TUB: variants seen among roughly 807,000 people sequenced by gnomAD.
The protein encoded by TUB is tubby protein homolog.
TUB carries 33 observed loss-of-function variants against 59.7 expected under a neutral mutation model. That is an observed-to-expected ratio of 0.55 (90% confidence interval 0.42 to 0.74). The LOEUF (loss-of-function observed/expected upper bound fraction) is 0.74. Among genes scored for constraint, TUB ranks in the 30% least tolerant of loss-of-function variants. The pLI is 0.00. For missense variants in TUB, 659 were observed against 672.0 expected (o/e 0.98, Z 0.21); for synonymous variants, 293 against 256.4 (o/e 1.14, Z -1.36).
In TUB at chr11:8,081,317, C is replaced by A; in HGVS notation, c.-194C>A. 6.2e-6 allele frequency: 6 copies of A among 963,282 alleles called. No homozygotes were observed. Among genetic ancestry groups the A allele is most frequent in the Non-Finnish European group, 7.4e-6 (6 of 810,122 alleles). The allele number at this position is 963,282 out of a possible 1,614,324, so 59.7% of individuals were successfully genotyped here. A position where few individuals can be genotyped will look rare whatever the true frequency, so the allele number is the denominator to read the frequency against. On this transcript the variant is annotated 5_prime_UTR_variant, in exon 1 of 12. Transcript: ENST00000299506. The stretch of plus-strand genomic sequence containing the variant: ...CCGGAGCTTCGCCCATCTCGCCTCG[C>A]CGCGCCGCGCAGGCAGCCGCTCGCA...
Position 8,045,003 on chromosome 11 carries a change from A to G in TUB, c.203+5311A>G, listed in dbSNP as rs181102391. Among the ~76,000 whole-genome samples the G allele has an allele frequency of 3.3e-5, 5 of 152,274 alleles. No individual in the cohort carries two copies. The East Asian group carries it at 9.6e-4, about 29-fold the overall frequency. ...TGCCAGGAACTCTCCAAACTCTGTC[A>G]TTTAGGGTTTTATGGAGGTCCTGTT... On this transcript the variant is annotated intron_variant, in intron 2 of 12. Transcript: ENST00000305253.
intron 1 of TUB, among the ~76,000 whole-genome samples, chr11:8,023,158 CATG>C (rs1273584406): frequency 2.0e-5 from 3 of 152,288 alleles, no homozygotes; most frequent in Non-Finnish European, 2.9e-5. Context: ...GGTTGGCACA[CATG>C]GTGGTGGAAG....
intron 2 of TUB, among the ~76,000 whole-genome samples, chr11:8,056,548 G>C (rs1423127861): frequency 2.0e-5 from 3 of 152,172 alleles, no homozygotes; most frequent in Admixed American, 6.5e-5. Context: ...TGCCTGGGGG[G>C]AGGGAAAAGG....
Position 8,096,926 on chromosome 11 carries a change from G to A in TUB, c.687+120G>A, listed in dbSNP as rs988298357. 43 of 1,137,828 alleles carry A rather than the reference G, an allele frequency of 3.8e-5. No individual in the cohort carries two copies. In the East Asian group the frequency reaches 6.1e-4, roughly 16 times the overall value. 70.5% of individuals were successfully genotyped at this position (1,137,828 alleles called of 1,614,324 possible). A position where few individuals can be genotyped will look rare whatever the true frequency, so the allele number is the denominator to read the frequency against. Reference sequence around the variant, plus strand: ...AGGAGCTTCTCTGCTGGCCTCTTATGTCCCTCTACCTTGCCTCCTAACCTC... The same window carrying A: ...AGGAGCTTCTCTGCTGGCCTCTTATATCCCTCTACCTTGCCTCCTAACCTC... On this transcript the variant is annotated intron_variant, in intron 6 of 11. Transcript: ENST00000299506.
At chr11:8,038,127 A>G (rs1942678365), upstream of TUB, among the ~76,000 whole-genome samples, 1 of 152,172 alleles carries the variant, frequency 6.6e-6, no homozygotes, top group Admixed American at 6.5e-5. Flanking sequence ...GAATGTATAG[A>G]GTGAATGTTC....
upstream of TUB, among the ~76,000 whole-genome samples, chr11:8,078,733 G>A (rs559538244): frequency 5.9e-4 from 89 of 152,046 alleles, no homozygotes; most frequent in African/African-American, 2.1e-3. Context: ...ACATTGCTGC[G>A]TACACTGAAA....
chr11:8,070,912 GA>G (rs775094196), intron 2 of TUB, among the ~76,000 whole-genome samples: 1 of 152,158 alleles, frequency 6.6e-6, no homozygotes, highest in Non-Finnish European at 1.5e-5. Flanking sequence ...TTTGCATTAT[GA>G]AAAAATCACT....
intron 1 of TUB, among the ~76,000 whole-genome samples, chr11:8,020,583 T>C (rs540055711): frequency 6.6e-6 from 1 of 152,336 alleles, no homozygotes; most frequent in East Asian, 1.9e-4. Flanking sequence ...CTCCTCGAGA[T>C]GGGCGCAACT....
intron 1 of TUB, chr11:8,039,452 A>T (rs1243338136): frequency 9.9e-6 from 4 of 402,054 alleles, no homozygotes; most frequent in South Asian, 7.0e-5. Flanking sequence ...CCTGCCTGCC[A>T]TCCGGGGCCC....
In TUB at chr11:8,052,465, C is replaced by CT. The variant is rs11290658; in HGVS notation, c.203+12795dup. ...TTTCTATTGCTTGTGTGAATAGGAC[C>CT]TTTTTTTTTTTTTTTTTTTTTTGAG... On this transcript the variant is annotated intron_variant, in intron 2 of 12. Coordinates refer to the TUB transcript ENST00000305253. Among the ~76,000 whole-genome samples the CT allele has an allele frequency of 5.3e-3, 448 of 85,274 alleles. 2 individuals are homozygous for CT. Among genetic ancestry groups the CT allele is most frequent in the Non-Finnish European group, 5.9e-3 (280 of 47,792 alleles). The allele number at this position is 85,274 out of a possible 152,430, so 55.9% of individuals were successfully genotyped here. A position where few individuals can be genotyped will look rare whatever the true frequency, so the allele number is the denominator to read the frequency against.
In TUB at chr11:8,102,677, C is replaced by A. The variant is rs1225312205; in HGVS notation, c.*1058C>A. On this transcript the variant is annotated 3_prime_UTR_variant, in exon 12 of 12. Coordinates refer to ENST00000299506, the MANE Select transcript of TUB (RefSeq NM_177972.3). ...GTCATGGTTGGTAACCATGTAGGTTCTTGGGAGGGAATGGGACAGGGTGAA... is the reference window on the plus strand; with the variant it reads ...GTCATGGTTGGTAACCATGTAGGTTATTGGGAGGGAATGGGACAGGGTGAA... 6.6e-6 allele frequency: 1 copy of A among 152,160 alleles called. No individual in the cohort carries two copies. The highest frequency in any genetic ancestry group is 6.5e-5 in the Admixed American group (1 of 15,270). The allele number at this position is 152,160 out of a possible 1,614,324, so 9.4% of individuals were successfully genotyped here. A position where few individuals can be genotyped will look rare whatever the true frequency, so the allele number is the denominator to read the frequency against.
chr11:8,098,165 G>A (rs932451872), intron 8 of TUB, among the ~76,000 whole-genome samples: 1 of 152,032 alleles, frequency 6.6e-6, no homozygotes, highest in Non-Finnish European at 1.5e-5. Context: ...ACAGGGCTGA[G>A]AGTGAGCTCT....
At chr11:8,019,791 C>T (rs1257207926) in intron 1 of TUB, among the ~76,000 whole-genome samples, 1 of 151,874 alleles carries the variant, frequency 6.6e-6, no homozygotes, top group Non-Finnish European at 1.5e-5. Flanking sequence ...TGCGCCCCGC[C>T]GGCCCTCCGC....
At chr11:8,100,368 G>A (rs1369773601) in intron 9 of TUB, 135 bp from the exon 10 acceptor site, 34 of 714,142 alleles carry the variant, frequency 4.8e-5, no homozygotes, top group Middle Eastern at 3.7e-4. Context: ...GCCGTGTTAG[G>A]TTTAGAGGGA....
intron 1 of TUB, among the ~76,000 whole-genome samples, chr11:8,023,335 C>T (rs533734012): frequency 5.8e-4 from 88 of 152,210 alleles, no homozygotes; most frequent in Non-Finnish European, 1.1e-3. Context: ...AGCTGAAAAT[C>T]TATGGCCATT....
chr11:8,055,159 TAG>T (rs1201959348), intron 2 of TUB, among the ~76,000 whole-genome samples: 1 of 152,112 alleles, frequency 6.6e-6, no homozygotes, highest in Non-Finnish European at 1.5e-5. Flanking sequence ...GACCAGGATG[TAG>T]AGTCTAGAGA....
chr11:8,058,692 TTTG>T (rs1436715089), intron 2 of TUB, among the ~76,000 whole-genome samples: 1 of 152,218 alleles, frequency 6.6e-6, no homozygotes, highest in Non-Finnish European at 1.5e-5. Context: ...CTGACATGTC[TTTG>T]TTGTTTCACT....
intron 1 of TUB, among the ~76,000 whole-genome samples, chr11:8,024,809 C>T (rs1394052621): frequency 6.6e-6 from 1 of 152,216 alleles, no homozygotes; most frequent in Non-Finnish European, 1.5e-5. Context: ...TCACTGACTG[C>T]ATTGTTTTGC....
At chr11:8,049,133 G>A (rs972932150) in intron 2 of TUB, among the ~76,000 whole-genome samples, 2 of 152,142 alleles carry the variant, frequency 1.3e-5, no homozygotes, top group East Asian at 3.9e-4. Flanking sequence ...CAAAGCATGG[G>A]CTACCTTGTG....
Sources: gnomAD v4.1 joint callset for allele counts (sites outside exome capture counted in the v4.1 genomes callset) on GRCh38, gnomAD v4.1.1 for gene constraint, MANE v1.5 for transcripts, NCBI Gene and HGNC (gene_info 2026-07-23, HGNC 2026-07-21) for gene names.